FHIT: variants seen among roughly 807,000 people sequenced by gnomAD.
The protein encoded by FHIT is fragile histidine triad diadenosine triphosphatase, also known as bis(5'-adenosyl)-triphosphatase.
FHIT carries 19 observed loss-of-function variants against 17.9 expected under a neutral mutation model. That is an observed-to-expected ratio of 1.06 (90% confidence interval 0.74 to 1.56). The LOEUF is 1.56. FHIT is among the 40% of genes most tolerant of loss of function. The pLI, the probability that FHIT is intolerant of heterozygous loss-of-function variation, is 0.00. For missense variants in FHIT, 248 were observed against 189.2 expected (o/e 1.31, Z -1.82); for synonymous variants, 81 against 69.7 (o/e 1.16, Z -0.81).
intron 8 of FHIT, among the ~76,000 whole-genome samples, chr3:59,785,886 T>C (rs141978066): frequency 6.1e-4 from 93 of 152,300 alleles, no homozygotes; most frequent in Middle Eastern, 6.8e-3. Context: ...TTGATGCAGA[T>C]GTCACCCCGC....
chr3:61,161,353 C>T (rs1202007229), intron 2 of FHIT, among the ~76,000 whole-genome samples: 3 of 152,008 alleles, frequency 2.0e-5, no homozygotes, highest in Non-Finnish European at 4.4e-5. Context: ...AGGTGCATGC[C>T]ACCACGCCCG....
At chr3:60,121,947 CTT>C (rs1467840425) in intron 5 of FHIT, among the ~76,000 whole-genome samples, 1 of 152,102 alleles carries the variant, frequency 6.6e-6, no homozygotes, top group African/African-American at 2.4e-5. Flanking sequence ...TTATTTCACT[CTT>C]TGCTCAAACC....
intron 4 of FHIT, chr3:60,732,579 C>A (rs1577133044): frequency 6.7e-6 from 4 of 593,288 alleles, no homozygotes; most frequent in Non-Finnish European, 1.3e-5. Flanking sequence ...TCGAAGGAGA[C>A]GCGGCCCAAG....
intron 2 of FHIT, among the ~76,000 whole-genome samples, chr3:61,151,315 C>T (rs560089698): frequency 6.6e-6 from 1 of 152,268 alleles, no homozygotes; most frequent in South Asian, 2.1e-4. Flanking sequence ...TAGGGAATGA[C>T]TCTGCAGCTA....
At chr3:60,185,605 A>AT (rs1229822843) in intron 5 of FHIT, among the ~76,000 whole-genome samples, 1 of 152,168 alleles carries the variant, frequency 6.6e-6, no homozygotes, top group Non-Finnish European at 1.5e-5. Context: ...TTCTAATTTC[A>AT]TAAGTTTTCA....
chr3:60,202,732 T>C (rs1702974038), intron 5 of FHIT, among the ~76,000 whole-genome samples: 1 of 152,134 alleles, frequency 6.6e-6, no homozygotes, highest in East Asian at 1.9e-4. Context: ...CTGTTTCCCA[T>C]CATAAGGCCA....
chr3:60,296,571 T>C (rs1462574254), intron 5 of FHIT, among the ~76,000 whole-genome samples: 1 of 152,092 alleles, frequency 6.6e-6, no homozygotes, highest in African/African-American at 2.4e-5. Context: ...TTTGGATATG[T>C]GGTTTTCAAA....
intron 4 of FHIT, among the ~76,000 whole-genome samples, chr3:60,567,433 T>TA (rs1316267752): frequency 6.6e-6 from 1 of 152,190 alleles, no homozygotes; most frequent in Non-Finnish European, 1.5e-5. Flanking sequence ...ATCCCTTCCT[T>TA]ACACCTTATA....
chr3:60,350,517 G>C (rs2106940969), intron 5 of FHIT, among the ~76,000 whole-genome samples: 1 of 152,104 alleles, frequency 6.6e-6, no homozygotes, highest in Middle Eastern at 3.4e-3. Context: ...GAACAAATAA[G>C]ACACATGTTT....
chr3:60,519,127 TAGAA>T (rs2035266369), intron 5 of FHIT, among the ~76,000 whole-genome samples: 1 of 152,114 alleles, frequency 6.6e-6, no homozygotes, highest in African/African-American at 2.4e-5. Flanking sequence ...AAGAAAAAAG[TAGAA>T]AGGAATAAAC....
At chr3:60,732,075 G>A in intron 4 of FHIT, 1 of 580,642 alleles carries the variant, frequency 1.7e-6, no homozygotes, top group Non-Finnish European at 3.1e-6. Flanking sequence ...CGAGCAAATG[G>A]GGTGGAGGGG....
At chr3:60,156,456 C>G (rs1417801854) in intron 5 of FHIT, among the ~76,000 whole-genome samples, 2 of 150,978 alleles carry the variant, frequency 1.3e-5, no homozygotes, top group African/African-American at 4.9e-5. Flanking sequence ...AAATTTAAAA[C>G]AAAACAAAAT....
Position 60,847,011 on chromosome 3 carries a change from A to G in FHIT, c.-110-25000T>C, listed in dbSNP as rs373691994. Among the ~76,000 whole-genome samples the G allele has an allele frequency of 1.7e-4, 26 of 152,200 alleles. No homozygotes were observed. The South Asian group carries it at 3.3e-3, about 19-fold the overall frequency. On this transcript the variant is annotated intron_variant, in intron 3 of 9. Transcript: ENST00000492590. The stretch of plus-strand genomic sequence containing the variant: ...GCTAATTTTTGTATTTTTAGTAGAA[A>G]CAAGGTTTCACCATATTGGCCAGGC...
intron 3 of FHIT, among the ~76,000 whole-genome samples, chr3:60,936,536 C>A (rs1470969420): frequency 6.6e-6 from 1 of 152,118 alleles, no homozygotes; most frequent in South Asian, 2.1e-4. Flanking sequence ...AAATTATGAG[C>A]CATGTTATAG....
intron 2 of FHIT, among the ~76,000 whole-genome samples, chr3:61,119,141 A>C (rs1398214109): frequency 2.0e-5 from 3 of 152,170 alleles, no homozygotes; most frequent in African/African-American, 7.2e-5. Flanking sequence ...GTGATCCTAC[A>C]ATAGCCTTCC....
At position 60,280,031 on chromosome 3, in the gene FHIT, CAAAA is replaced by C. The variant is rs34574670; in HGVS notation, c.103+256825_103+256828del. 7.6e-3 allele frequency among the ~76,000 whole-genome samples: 891 copies of C among 117,428 alleles called. 5 individuals are homozygous for C. Among genetic ancestry groups the C allele is most frequent in the African/African-American group, 0.027 (837 of 30,970 alleles). The allele number at this position is 117,428 out of a possible 152,430, so 77.0% of individuals were successfully genotyped here. On this transcript the variant is annotated intron_variant, in intron 5 of 9. Transcript: ENST00000492590. ...TGGGTGACAGAACGAGACTCTGTCTCAAAAAAAAAAAAAAAAACAATAGAAGAAA... is the reference window on the plus strand; with the variant it reads ...TGGGTGACAGAACGAGACTCTGTCTCAAAAAAAAAAAAACAATAGAAGAAA...
At chr3:60,015,733 C>T (rs990626074) in intron 5 of FHIT, among the ~76,000 whole-genome samples, 1 of 152,136 alleles carries the variant, frequency 6.6e-6, no homozygotes, top group African/African-American at 2.4e-5. Flanking sequence ...CACAGCAACT[C>T]GGTGGGGGAG....
At chr3:61,198,898 TG>T (rs2038932643) in intron 2 of FHIT, among the ~76,000 whole-genome samples, 1 of 530 alleles carries the variant, frequency 1.9e-3, no homozygotes. Context: ...CCGCCGCCGA[TG>T]ATGATGATGA....
At chr3:60,047,807 G>C (rs1053765870) in intron 5 of FHIT, among the ~76,000 whole-genome samples, 18 of 152,190 alleles carry the variant, frequency 1.2e-4, no homozygotes, top group African/African-American at 4.3e-4. Context: ...CCAGTAACGA[G>C]CAGACTAGAT....
Sources: allele counts gnomAD v4.1 joint callset (sites outside exome capture counted in the v4.1 genomes callset), GRCh38; gene constraint gnomAD v4.1.1; transcripts MANE v1.5; gene names NCBI Gene and HGNC (gene_info 2026-07-23, HGNC 2026-07-21).